Variants in KCNT1 observed in about 807,000 individuals in gnomAD.
KCNT1 encodes potassium channel subfamily T member 1.
A neutral mutation model predicts 147.8 loss-of-function variants in KCNT1; 78 were observed. The observed-to-expected ratio is 0.53, with a 90% CI of 0.44 to 0.64. The LOEUF is 0.64. KCNT1 is among the 30% of genes least tolerant of loss of function. KCNT1 has a pLI of 0.00. For missense variants in KCNT1, 1,419 were observed against 1,750.3 expected (o/e 0.81, Z 3.38); for synonymous variants, 867 against 748.8 (o/e 1.16, Z -2.58).
Position 135,777,530 on chromosome 9 carries a change from G to GCCCCCCCCCCC in KCNT1, c.2522+23_2522+24insCCCCCCCCCCC. ...CAACAAGTGAGGCTCCTGGGGCTCAGCCCACCCCGCCCACCCGGGCCCTCA... is the reference window on the plus strand; with the variant it reads ...CAACAAGTGAGGCTCCTGGGGCTCAGCCCCCCCCCCCCCCACCCCGCCCACCCGGGCCCTCA... On this transcript the variant is annotated intron_variant, in intron 21 of 30. Coordinates refer to ENST00000371757, the MANE Select transcript of KCNT1 (RefSeq NM_020822.3). 1 of 1,588,534 alleles carries GCCCCCCCCCCC rather than the reference G, an allele frequency of 6.3e-7. No homozygotes were observed. Among genetic ancestry groups the GCCCCCCCCCCC allele is most frequent in the Non-Finnish European group, 8.6e-7 (1 of 1,167,046 alleles).
At position 135,785,337 on chromosome 9, in the gene KCNT1, A is replaced by C. The variant is rs1237392417; in HGVS notation, c.3177+7A>C. On this transcript the variant is annotated splice_region_variant and intron_variant, in intron 28 of 30. Coordinates refer to ENST00000371757, the MANE Select transcript of KCNT1 (RefSeq NM_020822.3). The stretch of plus-strand genomic sequence containing the variant: ...CCACGACCTCAGAGCCCAGGTAAGC[A>C]ACCCCTCCGTGCCCACGCAGCTTCT... 6.2e-7 allele frequency: 1 copy of C among 1,612,962 alleles called. No individual in the cohort carries two copies. The highest frequency in any genetic ancestry group is 1.1e-5 in the South Asian group (1 of 91,076).
chr9:135,738,189 G>A (rs934243414), intron 2 of KCNT1, among the ~76,000 whole-genome samples: 2 of 152,182 alleles, frequency 1.3e-5, no homozygotes, highest in African/African-American at 2.4e-5. Flanking sequence ...AAGCCCTCCC[G>A]CATGTTCATC....
intron 2 of KCNT1, among the ~76,000 whole-genome samples, chr9:135,743,720 C>T (rs1241682332): frequency 2.6e-5 from 4 of 152,232 alleles, no homozygotes; most frequent in East Asian, 3.9e-4. Flanking sequence ...TGTGTGCCGC[C>T]GTGGCACGGT....
intron 15 of KCNT1, among the ~76,000 whole-genome samples, chr9:135,769,205 G>A: frequency 6.9e-6 from 1 of 145,290 alleles, no homozygotes; most frequent in Admixed American, 6.8e-5. Flanking sequence ...GGGTGACAGT[G>A]CATCTGGGGC....
intron 2 of KCNT1, among the ~76,000 whole-genome samples, chr9:135,736,023 GA>G (rs533522793): frequency 2.3e-3 from 355 of 152,370 alleles, no homozygotes; most frequent in African/African-American, 7.6e-3. Context: ...ACACAGGTGG[GA>G]TCTGTGCCCG....
intron 3 of KCNT1, 74 bp downstream of exon 3, chr9:135,750,251 C>T (rs1436723265): frequency 9.9e-6 from 12 of 1,215,824 alleles, no homozygotes; most frequent in Middle Eastern, 1.9e-4. Flanking sequence ...CTGGCGATGG[C>T]GAAGGCTGGG....
At chr9:135,764,069 T>C (rs375593833) in intron 11 of KCNT1, among the ~76,000 whole-genome samples, 75 of 152,124 alleles carry the variant, frequency 4.9e-4, no homozygotes, top group African/African-American at 1.6e-3. Flanking sequence ...AGGCGCTGGA[T>C]AAGTGCAATG....
chr9:135,791,695 A>C, intron 29 of KCNT1, 102 bp from the exon 30 acceptor site: 1 of 1,004,872 alleles, frequency 1.0e-6, no homozygotes, highest in Non-Finnish European at 1.5e-6. Flanking sequence ...GGAAGGCCGG[A>C]AAGACTCAGC....
At chr9:135,732,321 A>G (rs182420090) in intron 2 of KCNT1, among the ~76,000 whole-genome samples, 36 of 152,196 alleles carry the variant, frequency 2.4e-4, no homozygotes, top group African/African-American at 8.7e-4. Flanking sequence ...AACTGGCTTC[A>G]AATATATTTT....
At position 135,786,513 on chromosome 9, in the gene KCNT1, C is replaced by T. The variant is rs748679465; in HGVS notation, c.3494C>T (p.Thr1165Ile). ...ATGAAGCACCTGGGGCTGCCCACCA[C>T]CGGCTACGGTAAGGGCACACGGCGC... ...NRMKHLGLPT[T>I]GYDEMNDHQN... The change falls in exon 29 of 31, where the codon ACC becomes ATC. Residue 1165 changes from threonine (T) to isoleucine (I), a missense_variant. Thr to Ile is a moderately conservative substitution (Grantham distance 89). This residue lies in a region of KCNT1 where 306 missense variants were observed against 294.2 expected (regional missense o/e 1.04). Transcript: ENST00000371757. 1.3e-6 allele frequency: 2 copies of T among 1,593,056 alleles called. No individual in the cohort carries two copies. The highest frequency in any genetic ancestry group is 1.1e-5 in the South Asian group (1 of 88,788).
chr9:135,758,426 C>T lies in KCNT1; in HGVS notation c.772C>T (p.Arg258Cys), dbSNP rs766205352. ...ALENMINDFH[R>C]AILRTQSAMF... ...ACTCCTTCCACAGAATGACTTCCAC[C>T]GTGCCATCCTGCGGACACAGTCAGC... Residue 258 changes from arginine to cysteine, a missense_variant, in exon 10 of 31, where the codon CGT (arginine) becomes TGT (cysteine). Physicochemically the swap from Arg to Cys is radical, Grantham distance 180 (BLOSUM62 -3). This residue lies in a region of KCNT1 where 401 missense variants were observed against 610.6 expected (regional missense o/e 0.66). Transcript: ENST00000371757. 5.0e-6 allele frequency: 8 copies of T among 1,612,708 alleles called. No homozygotes were observed. The highest frequency in any genetic ancestry group is 2.5e-6 in the Non-Finnish European group (3 of 1,179,618).
At chr9:135,742,808 G>C in intron 2 of KCNT1, 5 of 717,182 alleles carry the variant, frequency 7.0e-6, no homozygotes, top group Non-Finnish European at 7.8e-6. Flanking sequence ...ACTCCTCCCT[G>C]TCTCAGTAAG....
intron 28 of KCNT1, chr9:135,785,661 A>T: frequency 1.9e-6 from 1 of 540,244 alleles, no homozygotes; most frequent in Admixed American, 3.2e-5. Context: ...CCAGCCTCCC[A>T]GGCCTTTCTG....
chr9:135,779,913 C>T (rs574291269), intron 24 of KCNT1, among the ~76,000 whole-genome samples: 4 of 152,376 alleles, frequency 2.6e-5, no homozygotes, highest in South Asian at 2.1e-4. Context: ...CTGGCCACTA[C>T]GCCCGACCTT....
intron 19 of KCNT1, among the ~76,000 whole-genome samples, chr9:135,774,833 T>G (rs1463645141): frequency 6.6e-6 from 1 of 151,696 alleles, no homozygotes; most frequent in Non-Finnish European, 1.5e-5. Context: ...AGGTGAGGGG[T>G]GAGCCCCACC....
At position 135,779,382 on chromosome 9, in the gene KCNT1, C is replaced by T; in HGVS notation, c.2753C>T (p.Thr918Ile). Residue 918 changes from threonine to isoleucine, a missense_variant, in exon 24 of 31, where the codon ACC (threonine) becomes ATC (isoleucine). Thr to Ile is a moderately conservative substitution (Grantham distance 89). Around this residue, in one of 5 missense-constraint regions of KCNT1, gnomAD observed 247 missense variants for 397.1 expected, o/e 0.62. Transcript: ENST00000371757. ...MFRLFPSLSI[T>I]TELTHPSNMR... ...AGGCTCTTCCCCAGCCTCAGCATCA[C>T]CACGGAGCTCACCCACCCTTCCAAC... is the stretch of plus-strand genomic sequence containing the variant. 1 of 1,613,816 alleles carries T rather than the reference C, an allele frequency of 6.2e-7. No homozygotes were observed. Among genetic ancestry groups the T allele is most frequent in the South Asian group, 1.1e-5 (1 of 91,066 alleles).
At chr9:135,742,639 G>A (rs1416849456) in intron 2 of KCNT1, 18 of 672,500 alleles carry the variant, frequency 2.7e-5, no homozygotes, top group South Asian at 1.6e-4. Flanking sequence ...TCTGTGCCCC[G>A]CCTGGTCCCA....
Position 135,778,469 on chromosome 9 carries a change from C to G in KCNT1, c.2568C>G (p.Val856=). 1 of 1,558,136 alleles carries G rather than the reference C, an allele frequency of 6.4e-7. No individual in the cohort carries two copies. ...FLEAICCFPM[V]YYMEGSVDNL... ...AAGCCATCTGCTGCTTCCCCATGGT[C>G]TACTACATGGAGGGCTCTGTGGACA... The change falls in exon 22 of 31, where the codon GTC becomes GTG. Residue 856 remains valine, a synonymous_variant. Coordinates refer to ENST00000371757, the MANE Select transcript of KCNT1 (RefSeq NM_020822.3).
At chr9:135,775,248 C>T in intron 19 of KCNT1, 62 bp from the exon 20 acceptor site, 1 of 1,335,642 alleles carries the variant, frequency 7.5e-7, no homozygotes, top group Non-Finnish European at 1.0e-6. Context: ...CCGAGGGGGG[C>T]CCCAGAGCAG....
Sources: allele counts gnomAD v4.1 joint callset (sites outside exome capture counted in the v4.1 genomes callset), GRCh38; gene constraint gnomAD v4.1.1; regional missense constraint gnomAD v4.1.1; transcripts MANE v1.5; gene names NCBI Gene and HGNC (gene_info 2026-07-23, HGNC 2026-07-21).